RASSF8: variants seen among roughly 807,000 people sequenced by gnomAD.
RASSF8 encodes ras association domain-containing protein 8.
A neutral mutation model predicts 48.5 loss-of-function variants in RASSF8; 22 were observed. That is an observed-to-expected ratio of 0.45 (90% CI 0.32 to 0.65). The LOEUF (loss-of-function observed/expected upper bound fraction) is 0.65, where lower values mean the gene tolerates loss of function less well. Among genes scored for constraint, RASSF8 ranks in the 30% least tolerant of loss-of-function variants. RASSF8 has a pLI of 0.03. For synonymous variants in RASSF8, 127 were observed against 171.5 expected (o/e 0.74, Z 2.03); for missense variants, 418 against 489.2 (o/e 0.85, Z 1.37).
chr12:25,991,911 A>C (rs1353634883), intron 1 of RASSF8, among the ~76,000 whole-genome samples: 1 of 152,206 alleles, frequency 6.6e-6, no homozygotes, highest in Non-Finnish European at 1.5e-5. Flanking sequence ...TAATGTTTGA[A>C]TCACGTTAAG....
rs946321040 is a variant in RASSF8, at chr12:26,055,287, A to G, written c.-57A>G. The G allele has an allele frequency of 7.1e-7, 1 of 1,402,858 alleles. No individual in the cohort carries two copies. The highest frequency in any genetic ancestry group is 1.0e-6 in the Non-Finnish European group (1 of 987,484). 86.9% of individuals were successfully genotyped at this position (1,402,858 alleles called of 1,614,324 possible). The stretch of plus-strand genomic sequence containing the variant: ...ACTCCGTGTTCCTGCAGCTAGAGAC[A>G]TGACCTAACACCCTGATGACCACTC... On this transcript the variant is annotated 5_prime_UTR_variant, in exon 3 of 6. The change abolishes an upstream ATG in the 5' untranslated region. Transcript: ENST00000689635.
At chr12:26,010,764 C>T (rs1055538919) in intron 2 of RASSF8, among the ~76,000 whole-genome samples, 12 of 151,800 alleles carry the variant, frequency 7.9e-5, no homozygotes, top group Admixed American at 2.6e-4. Context: ...TAGGAGAGGG[C>T]GGGGAATGAT....
At chr12:25,958,572 C>T (rs1227471180), upstream of RASSF8, 4 of 148,052 alleles carry the variant, frequency 2.7e-5, no homozygotes, top group East Asian at 7.9e-4. Flanking sequence ...AGGGGGGCGC[C>T]CCCGCGCCGC....
Position 26,018,518 on chromosome 12 carries a change from T to C in RASSF8, c.-109+23388T>C, listed in dbSNP as rs16929910. ...ATGTGGATCACAGCATTAGTAACCA[T>C]AGAATGTGATTTTAATTTCTTAGAG... On this transcript the variant is annotated intron_variant, in intron 2 of 5. Coordinates refer to ENST00000689635, the MANE Select transcript of RASSF8 (RefSeq NM_001394098.1). Among the ~76,000 whole-genome samples, 41 of 152,248 alleles carry C rather than the reference T, an allele frequency of 2.7e-4. No homozygotes were observed. In the East Asian group the frequency reaches 7.3e-3, roughly 27 times the overall value.
chr12:25,971,655 T>C (rs926158200), intron 1 of RASSF8, among the ~76,000 whole-genome samples: 4 of 152,274 alleles, frequency 2.6e-5, no homozygotes, highest in South Asian at 2.1e-4. Flanking sequence ...GTTTCTGTTA[T>C]GATGTGTGTC....
At chr12:25,980,950 G>GT (rs1257461114) in intron 1 of RASSF8, among the ~76,000 whole-genome samples, 2 of 152,222 alleles carry the variant, frequency 1.3e-5, no homozygotes, top group Admixed American at 1.3e-4. Context: ...TGAAACTATG[G>GT]TTGTTGTCCA....
At chr12:26,031,507 CCA>C (rs1943029999) in intron 2 of RASSF8, among the ~76,000 whole-genome samples, 1 of 152,134 alleles carries the variant, frequency 6.6e-6, no homozygotes, top group African/African-American at 2.4e-5. Context: ...GGATTTGAGC[CCA>C]ACTGAGGGCA....
intron 2 of RASSF8, among the ~76,000 whole-genome samples, chr12:26,039,596 T>C (rs751297994): frequency 6.6e-6 from 1 of 152,194 alleles, no homozygotes; most frequent in Non-Finnish European, 1.5e-5. Flanking sequence ...GAAGGTGTTA[T>C]CTCAGAGTTG....
At position 26,070,687 on chromosome 12, in the gene RASSF8, T is replaced by G. The variant is rs989799903; in HGVS notation, c.*1869T>G. The G allele has an allele frequency of 1.1e-6, 1 of 946,716 alleles. No individual in the cohort carries two copies. The highest frequency in any genetic ancestry group is 1.3e-6 in the Non-Finnish European group (1 of 795,100). 58.6% of individuals were successfully genotyped at this position (946,716 alleles called of 1,614,324 possible). The stretch of plus-strand genomic sequence containing the variant: ...CATATGCCCAATATATGCCTTATTT[T>G]TAAATAAGTCATTCTGTATAAAGTC... On this transcript the variant is annotated 3_prime_UTR_variant, in exon 6 of 6. Coordinates refer to ENST00000689635, the MANE Select transcript of RASSF8 (RefSeq NM_001394098.1).
At chr12:26,034,609 G>A (rs996121766) in intron 2 of RASSF8, among the ~76,000 whole-genome samples, 1 of 151,976 alleles carries the variant, frequency 6.6e-6, no homozygotes, top group Non-Finnish European at 1.5e-5. Flanking sequence ...TTAGGGGGGA[G>A]AAAAAGATCA....
At chr12:25,998,013 C>G (rs1942170945) in intron 2 of RASSF8, among the ~76,000 whole-genome samples, 1 of 152,106 alleles carries the variant, frequency 6.6e-6, no homozygotes, top group African/African-American at 2.4e-5. Flanking sequence ...GTGATGATTA[C>G]TTAATGAAAT....
chr12:26,053,661 A>T (rs891267401), intron 2 of RASSF8, among the ~76,000 whole-genome samples: 17 of 152,192 alleles, frequency 1.1e-4, no homozygotes, highest in African/African-American at 4.1e-4. Flanking sequence ...GAACTTTAAC[A>T]TCTCACAGGC....
At chr12:26,074,880 G>T, downstream of RASSF8, among the ~76,000 whole-genome samples, 1 of 152,286 alleles carries the variant, frequency 6.6e-6, no homozygotes, top group South Asian at 2.1e-4. Context: ...CTGATCATGA[G>T]GGGCCTTGGT....
intron 1 of RASSF8, among the ~76,000 whole-genome samples, chr12:25,992,164 A>T (rs1259596922): frequency 6.6e-6 from 1 of 152,232 alleles, no homozygotes; most frequent in East Asian, 1.9e-4. Flanking sequence ...GCCATTCTGT[A>T]AAACCCTCTG....
chr12:26,019,141 A>G (rs1942724628), intron 2 of RASSF8, among the ~76,000 whole-genome samples: 2 of 152,200 alleles, frequency 1.3e-5, no homozygotes, highest in African/African-American at 4.8e-5. Context: ...GAGTGTCTCT[A>G]TTATGAGCAG....
intron 2 of RASSF8, among the ~76,000 whole-genome samples, chr12:26,046,228 T>C (rs1943370572): frequency 6.6e-6 from 1 of 152,204 alleles, no homozygotes; most frequent in Non-Finnish European, 1.5e-5. Context: ...AAATTATAAT[T>C]CCCATGGTCA....
intron 2 of RASSF8, among the ~76,000 whole-genome samples, chr12:26,031,487 G>A (rs1943029623): frequency 6.6e-6 from 1 of 152,196 alleles, no homozygotes; most frequent in African/African-American, 2.4e-5. Context: ...GCCCAGTAGA[G>A]TTACTAACAG....
intron 1 of RASSF8, among the ~76,000 whole-genome samples, chr12:25,974,730 A>G (rs73077116): frequency 0.024 from 3,578 of 152,210 alleles, 40 homozygotes; most frequent in Non-Finnish European, 0.036. Context: ...CTATGGGAAT[A>G]TTGCTCAGGT....
chr12:25,991,206 GT>G (rs1942006324), intron 1 of RASSF8, among the ~76,000 whole-genome samples: 1 of 151,906 alleles, frequency 6.6e-6, no homozygotes, highest in South Asian at 2.1e-4. Flanking sequence ...AAAAAAAAAG[GT>G]AGAGCCTCTT....
Sources: gnomAD v4.1 joint callset for allele counts (sites outside exome capture counted in the v4.1 genomes callset) on GRCh38, gnomAD v4.1.1 for gene constraint, MANE v1.5 for transcripts, NCBI Gene and HGNC (gene_info 2026-07-23, HGNC 2026-07-21) for gene names.